The following ERCC1 variants were observed in gnomAD, a reference collection of about 807,000 sequenced individuals.
ERCC1 encodes DNA excision repair protein ERCC-1.
A neutral mutation model predicts 37.6 loss-of-function variants in ERCC1; 36 were observed. The observed-to-expected ratio is 0.96, with a 90% CI of 0.73 to 1.26. The LOEUF (loss-of-function observed/expected upper bound fraction) is 1.26, where lower values mean the gene tolerates loss of function less well. ERCC1 is among the 50% of genes most tolerant of loss of function. ERCC1 has a pLI of 0.00. For synonymous variants in ERCC1, 156 were observed against 162.1 expected, an observed-to-expected ratio of 0.96 and a Z score of 0.28; for missense variants, 349 against 376.5, an observed-to-expected ratio of 0.93 and a Z score of 0.60.
rs1221160656 is a variant in ERCC1 at position 45,408,079 on chromosome 19, A to AC, written c.*1595dup. On this transcript the variant is annotated 3_prime_UTR_variant, in exon 10 of 10. Transcript: ENST00000300853. ...AAAAAAACAAAAAAAAAATCAAAAA[A>AC]CCTTCCCTCTCCTGTTCCACTTAAG... is the stretch of plus-strand genomic sequence containing the variant. 2 of 1,511,920 alleles carry AC rather than the reference A, an allele frequency of 1.3e-6. No individual in the cohort carries two copies. Among genetic ancestry groups the AC allele is most frequent in the Non-Finnish European group, 1.8e-6 (2 of 1,131,918 alleles). 93.7% of individuals were successfully genotyped at this position (1,511,920 alleles called of 1,614,324 possible).
At chr19:45,430,902 G>A (rs972869550) in intron 1 of ERCC1, among the ~76,000 whole-genome samples, 6 of 151,422 alleles carry the variant, frequency 4.0e-5, no homozygotes, top group Non-Finnish European at 1.5e-5. Flanking sequence ...GCAAGACCTC[G>A]TCTCAAAAAA....
intron 6 of ERCC1, 78 bp from the exon 7 acceptor site, chr19:45,415,038 A>T: frequency 8.8e-7 from 1 of 1,140,862 alleles, no homozygotes; most frequent in Non-Finnish European, 1.3e-6. Context: ...CAGTCATAAG[A>T]ATTGCCAATA....
At position 45,416,914 on chromosome 19, in the gene ERCC1, G is replaced by A; in HGVS notation, c.526-17C>T. On this transcript the variant is annotated splice_polypyrimidine_tract_variant and intron_variant, in intron 5 of 9. Coordinates refer to ENST00000300853, the MANE Select transcript of ERCC1 (RefSeq NM_001983.4). ...GGGATCTTTCTGGAGGAGAAAATCA[G>A]AATTAGAAACCTAGAAGCCAGGAAT... 6.3e-7 allele frequency: 1 copy of A among 1,599,034 alleles called. No individual in the cohort carries two copies. Among genetic ancestry groups the A allele is most frequent in the South Asian group, 1.1e-5 (1 of 90,658 alleles).
intron 1 of ERCC1, among the ~76,000 whole-genome samples, chr19:45,437,369 G>A (rs184921188): frequency 6.6e-6 from 1 of 152,166 alleles, no homozygotes; most frequent in African/African-American, 2.4e-5. Flanking sequence ...CAAAGGAATT[G>A]AAATCAGGAT....
intron 1 of ERCC1, among the ~76,000 whole-genome samples, chr19:45,429,923 T>C (rs1267954329): frequency 6.6e-6 from 1 of 152,200 alleles, no homozygotes; most frequent in African/African-American, 2.4e-5. Context: ...TAGCTGGGAC[T>C]ACAGGCGCAT....
chr19:45,422,982 G>A (rs1025642438), intron 2 of ERCC1, among the ~76,000 whole-genome samples: 12 of 152,046 alleles, frequency 7.9e-5, no homozygotes, highest in African/African-American at 2.4e-4. Context: ...TCTTAAACAC[G>A]AGCAATAAAT....
chr19:45,424,019 AGAGATGTG>A, upstream of ERCC1: 2 of 1,050,840 alleles, frequency 1.9e-6, no homozygotes, highest in Non-Finnish European at 2.3e-6. Context: ...GTGGGAGGAG[AGAGATGTG>A]GCCTGAGGAT....
intron 1 of ERCC1, among the ~76,000 whole-genome samples, chr19:45,443,468 G>A (rs1008394403): frequency 2.0e-5 from 3 of 152,120 alleles, no homozygotes; most frequent in African/African-American, 7.2e-5. Context: ...ATCCCAGATC[G>A]CCAGTGAGTA....
intron 1 of ERCC1, among the ~76,000 whole-genome samples, chr19:45,439,066 A>T (rs1975052855): frequency 6.6e-6 from 1 of 151,820 alleles, no homozygotes; most frequent in Non-Finnish European, 1.5e-5. Context: ...CATGCCTGTA[A>T]TCCCAGCTAC....
intron 1 of ERCC1, among the ~76,000 whole-genome samples, chr19:45,444,647 C>G (rs960905842): frequency 6.6e-6 from 1 of 152,138 alleles, no homozygotes; most frequent in South Asian, 2.1e-4. Flanking sequence ...CGGAGACATG[C>G]GTGGAGGCCG....
In ERCC1 at chr19:45,407,951, G is replaced by A. The variant is rs540871734; in HGVS notation, c.*1724C>T. On this transcript the variant is annotated 3_prime_UTR_variant, in exon 10 of 10. Coordinates refer to ENST00000300853, the MANE Select transcript of ERCC1 (RefSeq NM_001983.4). ...TGCCTGTAATCCCAGCTACTTGAGA[G>A]GCTGAGGCAGGAGAATCGCTTGAAC... 13 of 719,464 alleles carry A rather than the reference G, an allele frequency of 1.8e-5. No homozygotes were observed. The African/African-American group carries it at 2.3e-4, about 13-fold the overall frequency. The allele number at this position is 719,464 out of a possible 1,614,324, so 44.6% of individuals were successfully genotyped here. A position where few individuals can be genotyped will look rare whatever the true frequency, so the allele number is the denominator to read the frequency against.
chr19:45,416,692 C>T, intron 6 of ERCC1, 129 bp downstream of exon 6: 1 of 712,854 alleles, frequency 1.4e-6, no homozygotes. Context: ...AAACTGAAGG[C>T]CAGAGAGAGG....
Position 45,414,845 on chromosome 19 carries a change from G to T in ERCC1, c.702+16C>A. The T allele has an allele frequency of 6.3e-7, 1 of 1,592,462 alleles. No homozygotes were observed. Among genetic ancestry groups the T allele is most frequent in the Non-Finnish European group, 8.6e-7 (1 of 1,160,536 alleles). ...CGGGGAGGCCCAGGCAGGGATGGGA[G>T]GTGAGGTGGCCTCACCCGGGAGACG... On this transcript the variant is annotated intron_variant, in intron 7 of 9. Coordinates refer to ENST00000300853, the MANE Select transcript of ERCC1 (RefSeq NM_001983.4).
intron 7 of ERCC1, 30 bp from the exon 8 acceptor site, chr19:45,414,064 G>C: frequency 4.4e-6 from 7 of 1,585,668 alleles, no homozygotes; most frequent in Non-Finnish European, 6.0e-6. Flanking sequence ...GAGTGTGTCG[G>C]AAGAAGAAAG....
intron 1 of ERCC1, among the ~76,000 whole-genome samples, chr19:45,436,390 G>T (rs1974977137): frequency 6.6e-6 from 1 of 152,174 alleles, no homozygotes; most frequent in African/African-American, 2.4e-5. Flanking sequence ...ACTTTGGGAG[G>T]CCGAGGCGGG....
rs753735571 is a variant in ERCC1 at position 45,416,877 on chromosome 19, G to A, written c.546C>T (p.Leu182=). 6.2e-7 allele frequency: 1 copy of A among 1,613,404 alleles called. No individual in the cohort carries two copies. Residue 182 remains leucine, a synonymous_variant, in exon 6 of 10, where the codon CTC becomes CTT. Coordinates refer to ENST00000300853, the MANE Select transcript of ERCC1 (RefSeq NM_001983.4). ...QVDVKDPQQA[L]KELAKMCILA... is the part of the protein sequence containing the mutation. The stretch of plus-strand genomic sequence containing the variant: ...GGATACACATCTTAGCCAGCTCCTT[G>A]AGGGCCTGCTGGGGATCTTTCTGGA...
At chr19:45,437,761 G>A (rs1246435406) in intron 1 of ERCC1, among the ~76,000 whole-genome samples, 3 of 152,208 alleles carry the variant, frequency 2.0e-5, no homozygotes, top group Non-Finnish European at 2.9e-5. Context: ...AGCGAGACTG[G>A]AGAAATATAT....
At chr19:45,447,221 G>T (rs1448578478) in intron 1 of ERCC1, among the ~76,000 whole-genome samples, 3 of 151,040 alleles carry the variant, frequency 2.0e-5, no homozygotes, top group Non-Finnish European at 4.4e-5. Context: ...GTGGCCTTCT[G>T]CTCTGGGAAT....
intron 1 of ERCC1, among the ~76,000 whole-genome samples, chr19:45,443,560 C>T (rs537678540): frequency 5.9e-5 from 9 of 152,298 alleles, no homozygotes; most frequent in African/African-American, 2.2e-4. Flanking sequence ...ACCCAGGCGT[C>T]TCCCTTGGGA....
Sources: gnomAD v4.1 joint callset for allele counts (sites outside exome capture counted in the v4.1 genomes callset) on GRCh38, gnomAD v4.1.1 for gene constraint, MANE v1.5 for transcripts, NCBI Gene and HGNC (gene_info 2026-07-23, HGNC 2026-07-21) for gene names.